EIF2AK4: variants seen among roughly 807,000 people sequenced by gnomAD.
EIF2AK4 encodes eukaryotic translation initiation factor 2 alpha kinase 4, also known as eIF-2-alpha kinase GCN2.
A neutral mutation model predicts 211.1 loss-of-function variants in EIF2AK4; 139 were observed. The ratio of observed to expected loss-of-function variants is 0.66; its 90% CI spans 0.57 to 0.76. The LOEUF (loss-of-function observed/expected upper bound fraction) is 0.76. Among genes scored for constraint, EIF2AK4 ranks in the 30% least tolerant of loss-of-function variants. The probability of loss-of-function intolerance (pLI) is 0.00; values close to 1 mark genes in which losing one functional copy is unlikely to be tolerated. For synonymous variants in EIF2AK4, 710 were observed against 751.3 expected, an observed-to-expected ratio of 0.94 and a Z score of 0.90; for missense variants, 1,664 against 2,043.8, an observed-to-expected ratio of 0.81 and a Z score of 3.58.
intron 19 of EIF2AK4, 31 bp from the exon 20 acceptor site, chr15:39,998,700 A>G (rs1479906594): frequency 6.3e-7 from 1 of 1,591,116 alleles, no homozygotes; most frequent in African/African-American, 1.3e-5. Context: ...CAGTCTGCCA[A>G]AACCTTGCTG....
Position 39,973,621 on chromosome 15 carries a change from G to C in EIF2AK4, c.1690G>C (p.Val564Leu). The change falls in exon 11 of 39, where the codon GTT becomes CTT. Residue 564 changes from valine to leucine, a missense_variant. Around this residue, in one of 7 missense-constraint regions of EIF2AK4, gnomAD observed 641 missense variants for 729.6 expected, o/e 0.88. Coordinates refer to ENST00000263791, the MANE Select transcript of EIF2AK4 (RefSeq NM_001013703.4). Reference sequence around the variant, plus strand: ...TGAAGGACAAGATTATGTTGAGACTGTTATTCCTAGCAACCGGCTACCCAG... The same window carrying C: ...TGAAGGACAAGATTATGTTGAGACTCTTATTCCTAGCAACCGGCTACCCAG... ...DSEGQDYVETVIPSNRLPSAA... is the reference protein window; with the variant it reads ...DSEGQDYVETLIPSNRLPSAA... 6.2e-7 allele frequency: 1 copy of C among 1,613,956 alleles called. No homozygotes were observed. Among genetic ancestry groups the C allele is most frequent in the African/African-American group, 1.3e-5 (1 of 75,040 alleles).
At chr15:39,942,226 G>A (rs1325627037) in intron 2 of EIF2AK4, among the ~76,000 whole-genome samples, 4 of 152,190 alleles carry the variant, frequency 2.6e-5, no homozygotes, top group Admixed American at 2.0e-4. Context: ...GCCACTGTGA[G>A]AGAGAGACTC....
At chr15:40,003,474 G>A (rs2035120318) in intron 23 of EIF2AK4, among the ~76,000 whole-genome samples, 160 bp downstream of exon 23, 1 of 152,174 alleles carries the variant, frequency 6.6e-6, no homozygotes, top group African/African-American at 2.4e-5. Flanking sequence ...TACTGGGGTG[G>A]AGGAAATGTT....
At chr15:39,966,936 A>T (rs1044695119) in intron 8 of EIF2AK4, among the ~76,000 whole-genome samples, 1 of 152,206 alleles carries the variant, frequency 6.6e-6, no homozygotes. Context: ...ATCATATACT[A>T]TATTTTTAAA....
At chr15:40,019,987 C>T (rs1275126125) in intron 30 of EIF2AK4, among the ~76,000 whole-genome samples, 4 of 151,856 alleles carry the variant, frequency 2.6e-5, no homozygotes, top group African/African-American at 9.7e-5. Context: ...AGCAAAACCC[C>T]ATCTCTACCA....
At chr15:39,942,204 A>G (rs1419222503) in intron 2 of EIF2AK4, among the ~76,000 whole-genome samples, 2 of 152,192 alleles carry the variant, frequency 1.3e-5, no homozygotes, top group Non-Finnish European at 1.5e-5. Context: ...TTTCTGCAGA[A>G]TAGTCCTGGG....
intron 21 of EIF2AK4, 128 bp downstream of exon 21, chr15:40,001,352 G>A (rs2035088588): frequency 1.1e-6 from 1 of 908,362 alleles, no homozygotes; most frequent in Non-Finnish European, 1.7e-6. Context: ...GCCCCTAAAA[G>A]TACATGCAAA....
intron 6 of EIF2AK4, among the ~76,000 whole-genome samples, chr15:39,956,609 A>G (rs567925871): frequency 3.5e-4 from 54 of 152,212 alleles, no homozygotes; most frequent in African/African-American, 1.3e-3. Flanking sequence ...AAAAGATACT[A>G]CTTGTTCTTC....
intron 32 of EIF2AK4, among the ~76,000 whole-genome samples, chr15:40,024,455 C>T (rs2035438181): frequency 7.6e-6 from 1 of 131,382 alleles, no homozygotes; most frequent in East Asian, 2.2e-4. Flanking sequence ...GTCACGCAGG[C>T]TGGAGTGCAG....
At chr15:39,967,987 G>A (rs2034569097) in intron 9 of EIF2AK4, 108 bp downstream of exon 9, 3 of 1,153,376 alleles carry the variant, frequency 2.6e-6, no homozygotes, top group South Asian at 1.5e-5. Flanking sequence ...GTGAGGAACA[G>A]GACTTCATTC....
chr15:39,947,079 G>A (rs1355968155), intron 3 of EIF2AK4, among the ~76,000 whole-genome samples: 3 of 152,118 alleles, frequency 2.0e-5, no homozygotes, highest in Admixed American at 6.5e-5. Context: ...GCCTGTGCTA[G>A]CATTCATCTG....
Position 39,976,710 on chromosome 15 carries a change from C to T in EIF2AK4, c.2115C>T (p.Leu705=). ...SVEAAAPPPI[L]SSSVEWSTSG... ...AGGCCGCCGCGCCGCCACCCATCCT[C>T]AGCAGCTCGGTGGAGTGGAGCACTT... is the stretch of plus-strand genomic sequence containing the variant. The change falls in exon 12 of 39, where the codon CTC becomes CTT. Residue 705 remains leucine, a synonymous_variant. Coordinates refer to ENST00000263791, the MANE Select transcript of EIF2AK4 (RefSeq NM_001013703.4). 2 of 1,602,460 alleles carry T rather than the reference C, an allele frequency of 1.2e-6. No homozygotes were observed. Among genetic ancestry groups the T allele is most frequent in the South Asian group, 1.1e-5 (1 of 89,856 alleles).
At chr15:40,028,916 T>C (rs1595439104) in intron 33 of EIF2AK4, among the ~76,000 whole-genome samples, 1 of 152,242 alleles carries the variant, frequency 6.6e-6, no homozygotes, top group Admixed American at 6.5e-5. Context: ...TAGAGTGCTG[T>C]TGTCTCTCTC....
chr15:39,978,148 G>A lies in EIF2AK4; in HGVS notation c.2319+1G>A, dbSNP rs1085307441. The A allele has an allele frequency of 2.0e-6, 3 of 1,500,426 alleles. No individual in the cohort carries two copies. The highest frequency in any genetic ancestry group is 1.4e-5 in the African/African-American group (1 of 72,772). The allele number at this position is 1,500,426 out of a possible 1,614,324, so 92.9% of individuals were successfully genotyped here. A position where few individuals can be genotyped will look rare whatever the true frequency, so the allele number is the denominator to read the frequency against. Reference sequence around the variant, plus strand: ...TGAGAACAGTAAAAGTCAGAATCAGGTATATATATGAATAGAAATTATATC... The same window carrying A: ...TGAGAACAGTAAAAGTCAGAATCAGATATATATATGAATAGAAATTATATC... On this transcript the variant is annotated splice_donor_variant, in intron 13 of 38. Transcript: ENST00000263791. LOFTEE classifies it high-confidence loss of function.
chr15:39,988,172 T>C, intron 15 of EIF2AK4, 67 bp downstream of exon 15: 3 of 1,570,272 alleles, frequency 1.9e-6, no homozygotes, highest in Non-Finnish European at 2.6e-6. Flanking sequence ...CATAAAAATA[T>C]CAAATGTAAG....
intron 9 of EIF2AK4, among the ~76,000 whole-genome samples, chr15:39,969,542 A>C (rs575847028): frequency 8.6e-5 from 13 of 151,818 alleles, no homozygotes; most frequent in Admixed American, 1.3e-4. Context: ...TTGTATTTTT[A>C]GTAGAGACAG....
rs200485080 is a variant in EIF2AK4 at position 40,026,289 on chromosome 15, TA to T, written c.4502+210del. The stretch of plus-strand genomic sequence containing the variant: ...GGGCAACATACCAAGACCCCATTTC[TA>T]AAAAAAAAATTTTTTTGATTAGCTG... On this transcript the variant is annotated intron_variant, in intron 33 of 38. Transcript: ENST00000263791. Among the ~76,000 whole-genome samples the T allele has an allele frequency of 5.4e-3, 809 of 151,000 alleles. 5 individuals are homozygous for T. Among genetic ancestry groups the T allele is most frequent in the Admixed American group, 0.017 (253 of 15,172 alleles).
At chr15:40,006,438 T>C (rs796434497) in intron 23 of EIF2AK4, among the ~76,000 whole-genome samples, 1 of 152,194 alleles carries the variant, frequency 6.6e-6, no homozygotes, top group Non-Finnish European at 1.5e-5. Context: ...TAAGCTGATA[T>C]TGAAATGCAA....
chr15:40,009,345 TC>T (rs1183919879), intron 25 of EIF2AK4, among the ~76,000 whole-genome samples: 1 of 151,952 alleles, frequency 6.6e-6, no homozygotes, highest in Admixed American at 6.6e-5. Context: ...AACCTTGGCC[TC>T]CCAAAATGCT....
Sources: gnomAD v4.1 joint callset for allele counts (sites outside exome capture counted in the v4.1 genomes callset) on GRCh38, gnomAD v4.1.1 for gene constraint, gnomAD v4.1.1 regional missense constraint, MANE v1.5 for transcripts, NCBI Gene and HGNC (gene_info 2026-07-23, HGNC 2026-07-21) for gene names.